ATG7: variants seen among roughly 807,000 people sequenced by gnomAD.
The protein encoded by ATG7 is autophagy related 7, also known as ubiquitin-like modifier-activating enzyme ATG7.
Under a neutral mutation model 82.4 loss-of-function variants are expected in ATG7, and 70 were observed. That is an observed-to-expected ratio of 0.85 (90% CI 0.70 to 1.04). ATG7 has a LOEUF of 1.04. Ranked by LOEUF, ATG7 falls within the 50% of genes least tolerant of loss-of-function variation. ATG7 has a pLI of 0.00. For missense variants in ATG7, 792 were observed against 864.3 expected (o/e 0.92, Z 1.05); for synonymous variants, 287 against 313.0 (o/e 0.92, Z 0.88).
At chr3:11,332,709 T>C in intron 10 of ATG7, 1 of 261,860 alleles carries the variant, frequency 3.8e-6, no homozygotes, top group Non-Finnish European at 7.1e-6. Flanking sequence ...CGGAATTATT[T>C]ATGTGCAATA....
intron 20 of ATG7, chr3:11,488,461 G>A (rs1289588987): frequency 4.0e-5 from 52 of 1,285,936 alleles, no homozygotes; most frequent in East Asian, 1.5e-4. Flanking sequence ...TCGCGGCAGC[G>A]GCTCCGCTTC....
intron 9 of ATG7, among the ~76,000 whole-genome samples, chr3:11,318,475 A>T (rs1375490905): frequency 6.6e-6 from 1 of 152,250 alleles, no homozygotes; most frequent in Non-Finnish European, 1.5e-5. Flanking sequence ...CAGAAGCCTT[A>T]GAGCATGATG....
intron 14 of ATG7, 29 bp from the exon 15 acceptor site, chr3:11,358,389 G>T: frequency 1.3e-6 from 2 of 1,596,090 alleles, no homozygotes; most frequent in South Asian, 2.3e-5. Flanking sequence ...CATTGCTCCA[G>T]ACATAACTAC....
intron 20 of ATG7, among the ~76,000 whole-genome samples, chr3:11,435,041 C>T (rs1324181127): frequency 6.6e-6 from 1 of 152,002 alleles, no homozygotes; most frequent in Non-Finnish European, 1.5e-5. Flanking sequence ...TGCTTTTCAA[C>T]TCTAATTTAG....
At chr3:11,554,137 TCTC>T (rs1190909054) in intron 20 of ATG7, among the ~76,000 whole-genome samples, 2 of 152,138 alleles carry the variant, frequency 1.3e-5, no homozygotes, top group Non-Finnish European at 2.9e-5. Flanking sequence ...GTCCCTCAGT[TCTC>T]CTCACAGCCA....
chr3:11,442,058 T>C (rs1055659453), intron 20 of ATG7, among the ~76,000 whole-genome samples: 4 of 152,212 alleles, frequency 2.6e-5, no homozygotes, highest in Admixed American at 6.5e-5. Flanking sequence ...CTGCTTCGAC[T>C]TCACAAAGTT....
chr3:11,571,350 T>C, the ATG7 span, among the ~76,000 whole-genome samples: 1 of 152,126 alleles, frequency 6.6e-6, no homozygotes, highest in African/African-American at 2.4e-5. Flanking sequence ...CCAGCATCAC[T>C]GCCACAACCA....
chr3:11,513,042 T>C (rs2092133107), intron 20 of ATG7, among the ~76,000 whole-genome samples: 1 of 152,214 alleles, frequency 6.6e-6, no homozygotes, highest in Admixed American at 6.5e-5. Context: ...TCCCAAATCC[T>C]GAGCTAGACA....
intron 20 of ATG7, among the ~76,000 whole-genome samples, chr3:11,511,380 A>C (rs995295383): frequency 1.3e-5 from 2 of 152,220 alleles, no homozygotes; most frequent in Non-Finnish European, 2.9e-5. Flanking sequence ...AGGTTCTCCA[A>C]GGCCCCACCA....
chr3:11,512,198 T>A (rs2092097931), intron 20 of ATG7, among the ~76,000 whole-genome samples: 1 of 152,114 alleles, frequency 6.6e-6, no homozygotes, highest in Non-Finnish European at 1.5e-5. Flanking sequence ...TCCTTAACTT[T>A]CCAACTAGCC....
chr3:11,427,061 T>C (rs2082420505), intron 20 of ATG7, 135 bp downstream of exon 20: 1 of 1,155,272 alleles, frequency 8.7e-7, no homozygotes, highest in South Asian at 1.9e-5. Context: ...ATAAGTCTGC[T>C]AGTTACCAGA....
chr3:11,539,825 A>ATC (rs1393409674), intron 20 of ATG7, among the ~76,000 whole-genome samples: 2 of 152,258 alleles, frequency 1.3e-5, no homozygotes, highest in Non-Finnish European at 2.9e-5. Flanking sequence ...GTTCGGCGAC[A>ATC]TCGAGCAGGT....
rs1328076467 is a variant in ATG7, at chr3:11,281,071, T to G, written c.-288T>G. 1 of 152,244 alleles carries G rather than the reference T, an allele frequency of 6.6e-6. No homozygotes were observed. The highest frequency in any genetic ancestry group is 1.5e-5 in the Non-Finnish European group (1 of 68,046). The allele number at this position is 152,244 out of a possible 1,614,324, so 9.4% of individuals were successfully genotyped here. On this transcript the variant is annotated 5_prime_UTR_variant, in exon 2 of 21. An upstream start codon of the reference 5' UTR is lost. Coordinates refer to ENST00000693202, the MANE Select transcript of ATG7 (RefSeq NM_001349232.2). Reference sequence around the variant, plus strand: ...GTGAGAGACATTTCTGAGACCTGTATGTCCTGCGTCTATGATTCTTCCCTG... The same window carrying G: ...GTGAGAGACATTTCTGAGACCTGTAGGTCCTGCGTCTATGATTCTTCCCTG...
chr3:11,527,258 C>A (rs189451488), intron 20 of ATG7, among the ~76,000 whole-genome samples: 320 of 152,140 alleles, frequency 2.1e-3, no homozygotes, highest in African/African-American at 7.1e-3. Context: ...GCACATGCCA[C>A]CACACCCAGC....
At chr3:11,451,801 A>C (rs201212802) in intron 20 of ATG7, among the ~76,000 whole-genome samples, 1 of 692 alleles carries the variant, frequency 1.4e-3, no homozygotes, top group Admixed American at 8.9e-3. Context: ...AAAAAAAAAC[A>C]AATTAAAAAA....
chr3:11,412,461 G>A lies in ATG7; in HGVS notation c.1957-14343G>A, dbSNP rs79129776. On this transcript the variant is annotated intron_variant, in intron 19 of 20. Transcript: ENST00000693202. ...GGCACTCTTGTCAAAAATTGAGACT[G>A]TATCTGTGAGGATTGTTTCTGCGCT... Among the ~76,000 whole-genome samples, 1,073 of 152,174 alleles carry A rather than the reference G, an allele frequency of 7.1e-3. 16 individuals are homozygous for A. The highest frequency in any genetic ancestry group is 0.025 in the African/African-American group (1,021 of 41,530).
intron 1 of ATG7, among the ~76,000 whole-genome samples, chr3:11,275,450 TC>T: frequency 1.3e-5 from 2 of 149,484 alleles, no homozygotes; most frequent in South Asian, 4.3e-4. Flanking sequence ...CTGGGTTCAC[TC>T]CATACTCCTG....
At chr3:11,340,541 T>C in intron 11 of ATG7, 104 bp from the exon 12 acceptor site, 1 of 967,916 alleles carries the variant, frequency 1.0e-6, no homozygotes, top group Non-Finnish European at 1.5e-6. Context: ...TGTCAATGCA[T>C]GGGCCATTAT....
At chr3:11,525,641 G>C (rs1452468482) in intron 20 of ATG7, among the ~76,000 whole-genome samples, 1 of 148,500 alleles carries the variant, frequency 6.7e-6, no homozygotes, top group East Asian at 2.0e-4. Context: ...TGTAAGCTCT[G>C]CCTCCTGGGT....
Sources: allele counts gnomAD v4.1 joint callset (sites outside exome capture counted in the v4.1 genomes callset), GRCh38; gene constraint gnomAD v4.1.1; transcripts MANE v1.5; gene names NCBI Gene and HGNC (gene_info 2026-07-23, HGNC 2026-07-21).